The following ZSCAN31 variants were observed in gnomAD, a reference collection of about 807,000 sequenced individuals.
ZSCAN31 encodes zinc finger and SCAN domain containing 31, also known as zinc finger and SCAN domain-containing protein 31.
In ZSCAN31, 14 loss-of-function variants were observed where a neutral mutation model predicts 22.5. That is an observed-to-expected ratio of 0.62 (90% CI 0.41 to 0.97). The LOEUF (loss-of-function observed/expected upper bound fraction) is 0.97, where lower values mean the gene tolerates loss of function less well. Among genes scored for constraint, ZSCAN31 ranks in the 50% least tolerant of loss-of-function variants. ZSCAN31 has a pLI of 0.00. For missense variants in ZSCAN31, 424 were observed against 483.4 expected, an observed-to-expected ratio of 0.88 and a Z score of 1.15; for synonymous variants, 168 against 169.8, an observed-to-expected ratio of 0.99 and a Z score of 0.08.
rs772469214 is a variant in ZSCAN31 at position 28,329,557 on chromosome 6, TA to T, written c.126del (p.Phe42LeufsTer16). The T allele has an allele frequency of 6.2e-7, 1 of 1,614,200 alleles. No homozygotes were observed. Among genetic ancestry groups the T allele is most frequent in the Non-Finnish European group, 8.5e-7 (1 of 1,180,024 alleles). ...GGAGTCTCTTGGTAACAAAACTGCC[TA>T]AAAAGTTGTCGGGAGGCTTCTTGGC... ...FSGQEASRQL[F>X]RQFCYQETPG... is the part of the protein sequence containing the mutation. On this transcript the variant is annotated frameshift_variant, in exon 2 of 4. Coordinates refer to ENST00000344279, the MANE Select transcript of ZSCAN31 (RefSeq NM_030899.5). LOFTEE classifies it high-confidence loss of function.
rs1764794298 is a variant in ZSCAN31 at position 28,349,145 on chromosome 6, TA to T, written c.-371+4716del. On this transcript the variant is annotated intron_variant, in intron 2 of 7. Coordinates refer to the ZSCAN31 transcript ENST00000396838. This position sits in a 1 kb window ranked among gnomAD's most constrained non-coding sequence, Gnocchi z 4.1. ...TAGGTGTATATATATGTCTCATATA[TA>T]GGTGTATATATATGTCTCATATATA... Among the ~76,000 whole-genome samples, 1 of 21,730 alleles carries T rather than the reference TA, an allele frequency of 4.6e-5. No homozygotes were observed. Among genetic ancestry groups the T allele is most frequent in the Non-Finnish European group, 9.1e-5 (1 of 10,932 alleles). The allele number at this position is 21,730 out of a possible 152,430, so 14.3% of individuals were successfully genotyped here. A position where few individuals can be genotyped will look rare whatever the true frequency, so the allele number is the denominator to read the frequency against.
intron 1 of ZSCAN31, among the ~76,000 whole-genome samples, chr6:28,334,716 A>G (rs1764009851): frequency 6.6e-6 from 1 of 152,232 alleles, no homozygotes. Flanking sequence ...TTAAGACTCA[A>G]CTACATGCAG....
At chr6:28,340,746 TCA>T (rs1284570435), upstream of ZSCAN31, among the ~76,000 whole-genome samples, 1 of 152,248 alleles carries the variant, frequency 6.6e-6, no homozygotes, top group Non-Finnish European at 1.5e-5. Context: ...CTTTAAATGA[TCA>T]CTTGTTTTTT....
Position 28,325,631 on chromosome 6 carries a change from G to GC in ZSCAN31, c.*534dup, listed in dbSNP as rs143618681. 7,457 of 152,622 alleles carry GC rather than the reference G, an allele frequency of 0.049. 307 individuals carry two copies. Among genetic ancestry groups the GC allele is most frequent in the Non-Finnish European group, 0.087 (5,943 of 68,364 alleles). 9.5% of individuals were successfully genotyped at this position (152,622 alleles called of 1,614,324 possible). On this transcript the variant is annotated 3_prime_UTR_variant, in exon 4 of 4. Coordinates refer to ENST00000344279, the MANE Select transcript of ZSCAN31 (RefSeq NM_030899.5). ...TATCACATTCCTAGGGGAGACCATA[G>GC]CAATGATTTCCTGTGGGAATGTGGA...
intron 2 of ZSCAN31, among the ~76,000 whole-genome samples, chr6:28,343,216 G>A (rs1764486824): frequency 6.6e-6 from 1 of 152,098 alleles, no homozygotes; most frequent in Non-Finnish European, 1.5e-5. Context: ...TTGATCATTT[G>A]GGCTAGGGTT....
At chr6:28,340,022 C>T (rs1450588624), upstream of ZSCAN31, among the ~76,000 whole-genome samples, 2 of 151,724 alleles carry the variant, frequency 1.3e-5, no homozygotes, top group African/African-American at 4.9e-5. Flanking sequence ...CAGGCCAGGG[C>T]ATTTGAAGAA....
At chr6:28,353,680 G>A (rs915739442) in intron 2 of ZSCAN31, among the ~76,000 whole-genome samples, 1 of 152,158 alleles carries the variant, frequency 6.6e-6, no homozygotes, top group African/African-American at 2.4e-5. Context: ...CTCAGGATAG[G>A]GATCAGGAGT....
At chr6:28,355,050 C>T (rs1765332802), upstream of ZSCAN31, among the ~76,000 whole-genome samples, 1 of 152,204 alleles carries the variant, frequency 6.6e-6, no homozygotes, top group African/African-American at 2.4e-5. Flanking sequence ...GTAGCAGTAG[C>T]ACCCTGGCTA....
chr6:28,342,949 G>T (rs1019375777), intron 2 of ZSCAN31, among the ~76,000 whole-genome samples: 1 of 152,154 alleles, frequency 6.6e-6, no homozygotes, highest in Non-Finnish European at 1.5e-5. Context: ...GATATATATT[G>T]GAGAAAGGGG....
upstream of ZSCAN31, among the ~76,000 whole-genome samples, chr6:28,354,847 T>A (rs1455893504): frequency 1.3e-5 from 2 of 152,246 alleles, no homozygotes; most frequent in Non-Finnish European, 2.9e-5. Context: ...GACTAGCCAC[T>A]TCTGTAACTT....
In ZSCAN31 at chr6:28,347,986, A is replaced by G. The variant is rs571377646; in HGVS notation, c.-371+5876T>C. Among the ~76,000 whole-genome samples, 1 of 152,090 alleles carries G rather than the reference A, an allele frequency of 6.6e-6. No individual in the cohort carries two copies. The highest frequency in any genetic ancestry group is 1.5e-5 in the Non-Finnish European group (1 of 68,008). On this transcript the variant is annotated intron_variant, in intron 2 of 7. Coordinates refer to the ZSCAN31 transcript ENST00000396838. This position sits in a 1 kb window ranked among gnomAD's most constrained non-coding sequence, Gnocchi z 5.2. ...TTGCTAATGATTAACTGTATATGCTATGTTTATTGGTCATTCGAGATTCCT... is the reference window on the plus strand; with the variant it reads ...TTGCTAATGATTAACTGTATATGCTGTGTTTATTGGTCATTCGAGATTCCT...
chr6:28,332,301 C>T (rs1205207590), intron 1 of ZSCAN31: 2 of 152,216 alleles, frequency 1.3e-5, no homozygotes, highest in Admixed American at 6.5e-5. Flanking sequence ...ATTATGAACG[C>T]ATCTTCAATG....
chr6:28,340,970 A>C (rs2108926), upstream of ZSCAN31, among the ~76,000 whole-genome samples: 7 of 152,008 alleles, frequency 4.6e-5, no homozygotes, highest in African/African-American at 9.7e-5. Flanking sequence ...TTTTTCAGCT[A>C]TCATTTAATA....
chr6:28,334,255 T>A (rs1188946568), intron 1 of ZSCAN31, among the ~76,000 whole-genome samples: 1 of 152,160 alleles, frequency 6.6e-6, no homozygotes, highest in Non-Finnish European at 1.5e-5. Context: ...GAAGAGCTCA[T>A]CCTAAATACA....
intron 2 of ZSCAN31, among the ~76,000 whole-genome samples, chr6:28,346,342 C>CTTTTTTTTTTTTTTTTTTTTTTT (rs5875155): frequency 1.1e-5 from 1 of 87,780 alleles, no homozygotes; most frequent in African/African-American, 4.7e-5. Flanking sequence ...TCAGTACAAT[C>CTTTTTTTTTTTTTTTTTTTTTTT]TTTTTTTTTT....
intron 3 of ZSCAN31, among the ~76,000 whole-genome samples, chr6:28,327,146 T>C (rs905718300): frequency 3.9e-5 from 6 of 152,236 alleles, no homozygotes; most frequent in Non-Finnish European, 8.8e-5. Flanking sequence ...GTTTTACATA[T>C]GTTAACTTTT....
rs1581678341 is a variant in ZSCAN31 at position 28,333,004 on chromosome 6, T to G, written c.-96+3078A>C. Reference sequence around the variant, plus strand: ...CAGCTACAAATACAAGACAAAAATCTCAGTGGACCAGAAACACAAACACAG... The same window carrying G: ...CAGCTACAAATACAAGACAAAAATCGCAGTGGACCAGAAACACAAACACAG... On this transcript the variant is annotated intron_variant, in intron 1 of 3. Transcript: ENST00000344279. The surrounding 1 kb of genome is among the most constrained non-coding windows in gnomAD (Gnocchi z 4.1). 6.6e-6 allele frequency among the ~76,000 whole-genome samples: 1 copy of G among 152,260 alleles called. No homozygotes were observed. Among genetic ancestry groups the G allele is most frequent in the African/African-American group, 2.4e-5 (1 of 41,550 alleles).
At position 28,333,174 on chromosome 6, in the gene ZSCAN31, C is replaced by T. The variant is rs183678817; in HGVS notation, c.-96+2908G>A. 1.4e-3 allele frequency among the ~76,000 whole-genome samples: 205 copies of T among 149,916 alleles called. 2 individuals are homozygous for T. The highest frequency in any genetic ancestry group is 5.0e-3 in the African/African-American group (197 of 39,420). On this transcript the variant is annotated intron_variant, in intron 1 of 3. Coordinates refer to ENST00000344279, the MANE Select transcript of ZSCAN31 (RefSeq NM_030899.5). The surrounding 1 kb of genome is among the most constrained non-coding windows in gnomAD (Gnocchi z 4.1). ...TTCCAGGACCTGCAGTGGACTTCCA[C>T]ACTCATGAAAGGGAGACAGAAAAAT...
At position 28,326,058 on chromosome 6, in the gene ZSCAN31, G is replaced by T; in HGVS notation, c.*108C>A. The stretch of plus-strand genomic sequence containing the variant: ...TACTTTCCAAGACGGCCCCATTTAG[G>T]GGTCTGAGGGTCCACAGAATTAGTC... On this transcript the variant is annotated 3_prime_UTR_variant, in exon 4 of 4. Transcript: ENST00000344279. 9.8e-7 allele frequency: 1 copy of T among 1,023,154 alleles called. No homozygotes were observed. The highest frequency in any genetic ancestry group is 1.4e-6 in the Non-Finnish European group (1 of 699,902). 63.4% of individuals were successfully genotyped at this position (1,023,154 alleles called of 1,614,324 possible). A position where few individuals can be genotyped will look rare whatever the true frequency, so the allele number is the denominator to read the frequency against.
Sources: allele counts gnomAD v4.1 joint callset (sites outside exome capture counted in the v4.1 genomes callset), GRCh38; gene constraint gnomAD v4.1.1; non-coding constraint Gnocchi (gnomAD v3.1); transcripts MANE v1.5; gene names NCBI Gene and HGNC (gene_info 2026-07-23, HGNC 2026-07-21).